The following FRAS1 variants were observed in gnomAD, a reference collection of about 807,000 sequenced individuals.
FRAS1 encodes extracellular matrix organizing protein FRAS1.
A neutral mutation model predicts 435.2 loss-of-function variants in FRAS1; 290 were observed. The observed-to-expected ratio is 0.67, with a 90% confidence interval of 0.61 to 0.73. The LOEUF (loss-of-function observed/expected upper bound fraction) is 0.73. Ranked by LOEUF, FRAS1 falls within the 30% of genes least tolerant of loss-of-function variation. The pLI, the probability that FRAS1 is intolerant of heterozygous loss-of-function variation, is 0.00. For missense variants in FRAS1, 4,860 were observed against 5,001.5 expected (o/e 0.97, Z 0.85); for synonymous variants, 1,800 against 1,851.0 (o/e 0.97, Z 0.71).
intron 29 of FRAS1, among the ~76,000 whole-genome samples, chr4:78,393,577 C>T (rs1732535718): frequency 6.6e-6 from 1 of 152,056 alleles, no homozygotes; most frequent in African/African-American, 2.4e-5. Context: ...ATAATGTCTT[C>T]CAGTTTCTTC....
chr4:78,334,072 A>G (rs1730060645), intron 19 of FRAS1, among the ~76,000 whole-genome samples: 1 of 152,190 alleles, frequency 6.6e-6, no homozygotes, highest in Admixed American at 6.5e-5. Flanking sequence ...TACAGATGTG[A>G]GCTACTGTAC....
intron 2 of FRAS1, among the ~76,000 whole-genome samples, chr4:78,231,035 A>G (rs1578197554): frequency 6.6e-6 from 1 of 152,038 alleles, no homozygotes; most frequent in South Asian, 2.1e-4. Context: ...GCTCACTGCA[A>G]CCTCCGCCTC....
chr4:78,387,244 A>G (rs1477497989), intron 28 of FRAS1, 131 bp from the exon 29 acceptor site: 1 of 659,456 alleles, frequency 1.5e-6, no homozygotes, highest in African/African-American at 1.8e-5. Context: ...TGTTCACCAT[A>G]GAACAGTTTG....
intron 59 of FRAS1, among the ~76,000 whole-genome samples, chr4:78,493,630 G>T (rs1317713606): frequency 2.6e-5 from 4 of 151,998 alleles, no homozygotes; most frequent in Admixed American, 2.6e-4. Context: ...CCAGGGAGGG[G>T]AACATCACAC....
intron 40 of FRAS1, among the ~76,000 whole-genome samples, chr4:78,439,603 T>C (rs1323430184): frequency 6.6e-6 from 1 of 152,202 alleles, no homozygotes; most frequent in African/African-American, 2.4e-5. Context: ...CTTCCTTGTC[T>C]TTTATATTTT....
At chr4:78,230,677 T>C (rs188407049) in intron 2 of FRAS1, among the ~76,000 whole-genome samples, 7 of 152,280 alleles carry the variant, frequency 4.6e-5, no homozygotes, top group Admixed American at 4.6e-4. Flanking sequence ...CCTCCAGAAA[T>C]GAAGACATGA....
At chr4:78,224,018 T>C (rs1023102196) in intron 2 of FRAS1, among the ~76,000 whole-genome samples, 4 of 152,226 alleles carry the variant, frequency 2.6e-5, no homozygotes, top group Non-Finnish European at 4.4e-5. Flanking sequence ...AAACTGTTTT[T>C]ATTTCCTTAG....
chr4:78,443,612 C>T (rs1009513558), intron 41 of FRAS1, among the ~76,000 whole-genome samples: 2 of 152,154 alleles, frequency 1.3e-5, no homozygotes, highest in African/African-American at 4.8e-5. Context: ...TCACAATGAT[C>T]GCCTGTGCGC....
chr4:78,518,557 G>T (rs958821057), intron 66 of FRAS1, among the ~76,000 whole-genome samples: 6 of 151,434 alleles, frequency 4.0e-5, no homozygotes, highest in African/African-American at 1.5e-4. Flanking sequence ...CACCACAAAA[G>T]CTTCTGCTAC....
At chr4:78,085,563 T>A (rs1741103844) in intron 2 of FRAS1, among the ~76,000 whole-genome samples, 1 of 152,092 alleles carries the variant, frequency 6.6e-6, no homozygotes, top group African/African-American at 2.4e-5. Context: ...TCCTCAACCC[T>A]GTCTTCTGGG....
Position 78,464,479 on chromosome 4 carries a change from G to C in FRAS1, c.6925G>C (p.Asp2309His), listed in dbSNP as rs548644433. The C allele has an allele frequency of 2.7e-5, 43 of 1,613,972 alleles. 2 individuals carry two copies. The South Asian group carries it at 4.7e-4, about 18-fold the overall frequency. Residue 2309 changes from aspartate to histidine, a missense_variant, in exon 49 of 74, where the codon GAT (aspartate) becomes CAT (histidine). By Grantham distance (81) the Asp-to-His change is moderately conservative (BLOSUM62 -1). Transcript: ENST00000512123. ...TTTCCATATCACTCTTCACCCTGTC[G>C]ATGATTCGCTGCCCGTCGTACAGAA... ...QTFHITLHPV[D>H]DSLPVVQNLG...
rs1362623703 is a variant in FRAS1, at chr4:78,108,871, A to G, written c.108+42855A>G. Among the ~76,000 whole-genome samples, 6 of 129,754 alleles carry G rather than the reference A, an allele frequency of 4.6e-5. 1 individual carries two copies. The highest frequency in any genetic ancestry group is 9.7e-5 in the Non-Finnish European group (6 of 61,542). 85.1% of individuals were successfully genotyped at this position (129,754 alleles called of 152,430 possible). On this transcript the variant is annotated intron_variant, in intron 2 of 73. Transcript: ENST00000512123. ...CCGCTAGCAAGATGACAAAGAAAAA[A>G]AGAGAGAAGAATCAAATAGACACAA...
chr4:78,125,538 T>C (rs997843803), intron 2 of FRAS1, among the ~76,000 whole-genome samples: 2 of 152,194 alleles, frequency 1.3e-5, no homozygotes, highest in Non-Finnish European at 2.9e-5. Flanking sequence ...AAGTCCTGGA[T>C]ATCTTTGTTA....
At chr4:78,112,029 T>C (rs1742750518) in intron 2 of FRAS1, among the ~76,000 whole-genome samples, 1 of 152,182 alleles carries the variant, frequency 6.6e-6, no homozygotes, top group South Asian at 2.1e-4. Flanking sequence ...ATCTTTGACA[T>C]GCCAGTTTTG....
intron 2 of FRAS1, among the ~76,000 whole-genome samples, chr4:78,183,692 T>C (rs1260824520): frequency 6.6e-6 from 1 of 151,636 alleles, no homozygotes; most frequent in Non-Finnish European, 1.5e-5. Flanking sequence ...GGCAGGGCAT[T>C]ATTTAGGATT....
intron 3 of FRAS1, among the ~76,000 whole-genome samples, chr4:78,241,903 A>C (rs187376055): frequency 6.6e-6 from 1 of 152,312 alleles, no homozygotes; most frequent in Admixed American, 6.5e-5. Context: ...AGAAAAAAAA[A>C]CAGAGATCCA....
chr4:78,069,280 G>A (rs1740216505), intron 2 of FRAS1, among the ~76,000 whole-genome samples: 1 of 152,182 alleles, frequency 6.6e-6, no homozygotes, highest in Admixed American at 6.5e-5. Flanking sequence ...CCAGAAGTAG[G>A]TTATTCTGGT....
intron 47 of FRAS1, 142 bp downstream of exon 47, chr4:78,452,496 C>T: frequency 1.6e-6 from 1 of 638,128 alleles, no homozygotes; most frequent in South Asian, 2.4e-5. Context: ...GACCATTATA[C>T]ACTGGCTTGT....
Position 78,441,243 on chromosome 4 carries a change from A to G in FRAS1, c.5611A>G (p.Ile1871Val), listed in dbSNP as rs1443276126. The G allele has an allele frequency of 1.9e-6, 3 of 1,613,584 alleles. No homozygotes were observed. Among genetic ancestry groups the G allele is most frequent in the Non-Finnish European group, 1.7e-6 (2 of 1,179,742 alleles). ...DDDDNLQRDA[I>V]IKLSALPKYG... The stretch of plus-strand genomic sequence containing the variant: ...TGATGACAACCTCCAGAGAGATGCC[A>G]TCATTAAACTAAGTGCTCTGCCCAA... Residue 1871 changes from isoleucine (I) to valine (V), a missense_variant, in exon 41 of 74, where the codon ATC becomes GTC. Coordinates refer to ENST00000512123, the MANE Select transcript of FRAS1 (RefSeq NM_025074.7).
Sources: gnomAD v4.1 joint callset for allele counts (sites outside exome capture counted in the v4.1 genomes callset) on GRCh38, gnomAD v4.1.1 for gene constraint, MANE v1.5 for transcripts, NCBI Gene and HGNC (gene_info 2026-07-23, HGNC 2026-07-21) for gene names.